Variants in MCTS1 observed in about 807,000 individuals in gnomAD.
MCTS1 encodes the protein malignant T-cell-amplified sequence 1.
For synonymous variants in MCTS1, 26 were observed against 40.8 expected (o/e 0.64, Z 1.38); for missense variants, 55 against 128.6 (o/e 0.43, Z 2.77).
At chrX:120,606,210 T>A in intron 3 of MCTS1, 34 bp downstream of exon 3, 1 of 852,141 alleles carries the variant, frequency 1.2e-6, no homozygotes, top group Non-Finnish European at 1.7e-6. Context: ...TTTGAAATTT[T>A]ACTCCTATTG....
At position 120,613,593 on chromosome X, in the gene MCTS1, A is replaced by G. The variant is rs1472469681; in HGVS notation, c.*1329A>G. Among the ~76,000 whole-genome samples the G allele has an allele frequency of 1.8e-5, 2 of 112,446 alleles. No individual in the cohort carries two copies. Among genetic ancestry groups the G allele is most frequent in the Non-Finnish European group, 3.8e-5 (2 of 53,321 alleles). The stretch of plus-strand genomic sequence containing the variant: ...TAAGAAATCTAGTTGTTTTGTCTTT[A>G]AAGTTTCCACACATATTCTGGATTT... On this transcript the variant is annotated 3_prime_UTR_variant, in exon 6 of 6. Coordinates refer to ENST00000371317, the MANE Select transcript of MCTS1 (RefSeq NM_014060.3).
chrX:120,605,119 G>T (rs1459605354), intron 1 of MCTS1, among the ~76,000 whole-genome samples: 1 of 111,391 alleles, frequency 9.0e-6, no homozygotes. Flanking sequence ...AGGCATTTGT[G>T]TAGCTAATTA....
chrX:120,606,711 G>C (rs983664891), intron 3 of MCTS1, among the ~76,000 whole-genome samples: 2 of 107,154 alleles, frequency 1.9e-5, no homozygotes, highest in Admixed American at 2.0e-4. Flanking sequence ...TTCAACCCGC[G>C]AGGCGGAGGT....
intron 3 of MCTS1, among the ~76,000 whole-genome samples, chrX:120,606,628 AC>A (rs2147372285): frequency 9.0e-6 from 1 of 111,326 alleles, no homozygotes; most frequent in South Asian, 3.7e-4. Flanking sequence ...TACTAAACAT[AC>A]AAAAGTTAGC....
At chrX:120,604,949 A>C in intron 1 of MCTS1, 26 of 1,031,744 alleles carry the variant, frequency 2.5e-5, no homozygotes, top group Non-Finnish European at 3.0e-5. Context: ...AAAAAATCTC[A>C]GCAGATTACA....
In MCTS1 at chrX:120,618,665, C is replaced by T. The variant is rs935398611; in HGVS notation, c.*6401C>T. Among the ~76,000 whole-genome samples the T allele has an allele frequency of 8.9e-6, 1 of 112,365 alleles. No homozygotes were observed. Among genetic ancestry groups the T allele is most frequent in the African/African-American group, 3.2e-5 (1 of 30,966 alleles). ...TATCTACTAAATAGCTTCCAAAAAG[C>T]ACTGACTGGAAAATATTTTTCACTA... On this transcript the variant is annotated 3_prime_UTR_variant, in exon 6 of 6. Transcript: ENST00000371317.
At position 120,620,034 on chromosome X, in the gene MCTS1, G is replaced by A. The variant is rs755931072; in HGVS notation, c.*7770G>A. 8.9e-6 allele frequency among the ~76,000 whole-genome samples: 1 copy of A among 111,946 alleles called. No homozygotes were observed. The highest frequency in any genetic ancestry group is 3.2e-5 in the African/African-American group (1 of 30,829). On this transcript the variant is annotated 3_prime_UTR_variant, in exon 6 of 6. Transcript: ENST00000371317. The stretch of plus-strand genomic sequence containing the variant: ...GCTTTGAAGATATCTGGGGAAGGCC[G>A]GGCACGGTGGTTCACGCCTGTAATC...
At chrX:120,610,475 T>G (rs1181595207) in intron 4 of MCTS1, among the ~76,000 whole-genome samples, 3 of 105,929 alleles carry the variant, frequency 2.8e-5, no homozygotes, top group African/African-American at 7.0e-5. Flanking sequence ...TAGCTGGGTG[T>G]GGTGGCACAC....
At chrX:120,604,428 C>A in intron 1 of MCTS1, 181 bp downstream of exon 1, 2 of 615,797 alleles carry the variant, frequency 3.2e-6, no homozygotes, top group Non-Finnish European at 2.4e-6. Flanking sequence ...GCTTTCCATC[C>A]GTAGTCCTTA....
rs1382918226 is a variant in MCTS1 at position 120,618,826 on chromosome X, G to T, written c.*6562G>T. 8.9e-6 allele frequency among the ~76,000 whole-genome samples: 1 copy of T among 112,256 alleles called. No homozygotes were observed. The highest frequency in any genetic ancestry group is 1.9e-5 in the Non-Finnish European group (1 of 53,297). On this transcript the variant is annotated 3_prime_UTR_variant, in exon 6 of 6. Coordinates refer to ENST00000371317, the MANE Select transcript of MCTS1 (RefSeq NM_014060.3). ...GAAAAGGAGTCCACAAAGTATTTCT[G>T]CTTTCTTGCTCCTGAATGCAAAGGT...
chrX:120,620,984 A>C lies in MCTS1; in HGVS notation c.*8720A>C, dbSNP rs192787602. ...AGCCTCTGCCCATCCATATGTGGCC[A>C]CTGAGAACTTGAAATGTGACTAGTT... On this transcript the variant is annotated 3_prime_UTR_variant, in exon 6 of 6. Coordinates refer to ENST00000371317, the MANE Select transcript of MCTS1 (RefSeq NM_014060.3). 12 of 111,874 alleles carry C rather than the reference A, an allele frequency of 1.1e-4. No homozygotes were observed. In the East Asian group the frequency reaches 3.3e-3, roughly 31 times the overall value. The allele number at this position is 111,874 out of a possible 1,213,427, so 9.2% of individuals were successfully genotyped here.
At chrX:120,604,887 T>C in intron 1 of MCTS1, 1 of 1,152,339 alleles carries the variant, frequency 8.7e-7, no homozygotes, top group Non-Finnish European at 1.2e-6. Context: ...GTGCATGAAA[T>C]TTTGAGCAAA....
chrX:120,612,065 G>T (rs1397093919), intron 5 of MCTS1, 118 bp from the exon 6 acceptor site: 2 of 543,236 alleles, frequency 3.7e-6, no homozygotes, highest in Non-Finnish European at 6.1e-6. Context: ...ATGTCAATAA[G>T]TTCTTTACTT....
In MCTS1 at chrX:120,604,194, C is replaced by T; in HGVS notation, c.-43C>T. 8.3e-7 allele frequency: 1 copy of T among 1,204,322 alleles called. No homozygotes were observed. Among genetic ancestry groups the T allele is most frequent in the Non-Finnish European group, 1.1e-6 (1 of 890,728 alleles). ...ACCCCTGCAAATTCAATTTCTTTCC[C>T]ATTCCGGGCCCTTCCCTATCGTCGC... On this transcript the variant is annotated 5_prime_UTR_variant, in exon 1 of 6. Transcript: ENST00000371317.
Position 120,619,724 on chromosome X carries a change from ATGAG to A in MCTS1, c.*7462_*7465del, listed in dbSNP as rs1173318509. On this transcript the variant is annotated 3_prime_UTR_variant, in exon 6 of 6. Coordinates refer to ENST00000371317, the MANE Select transcript of MCTS1 (RefSeq NM_014060.3). ...ATGGGAAAAAATGGGTAGGATTTGA[ATGAG>A]TAAGAGTGGGATACTTGCACAGTAT... Among the ~76,000 whole-genome samples, 5 of 111,390 alleles carry A rather than the reference ATGAG, an allele frequency of 4.5e-5. No individual in the cohort carries two copies. Among genetic ancestry groups the A allele is most frequent in the African/African-American group, 1.6e-4 (5 of 30,622 alleles).
rs1484820874 is a variant in MCTS1, at chrX:120,620,075, G to A, written c.*7811G>A. 1.8e-5 allele frequency among the ~76,000 whole-genome samples: 2 copies of A among 111,034 alleles called. No homozygotes were observed. Among genetic ancestry groups the A allele is most frequent in the African/African-American group, 6.6e-5 (2 of 30,476 alleles). On this transcript the variant is annotated 3_prime_UTR_variant, in exon 6 of 6. Transcript: ENST00000371317. ...GCCTGTAATCCCAGTACTTTGGGAG[G>A]CCAAGGTGGGCGGATCACGAGGTCA...
In MCTS1 at chrX:120,612,793, C is replaced by T. The variant is rs185050244; in HGVS notation, c.*529C>T. Among the ~76,000 whole-genome samples, 315 of 109,063 alleles carry T rather than the reference C, an allele frequency of 2.9e-3. 4 individuals carry two copies. The highest frequency in any genetic ancestry group is 0.01 in the African/African-American group (299 of 29,861). 94.7% of individuals were successfully genotyped at this position (109,063 alleles called of 115,157 possible). A position where few individuals can be genotyped will look rare whatever the true frequency, so the allele number is the denominator to read the frequency against. On this transcript the variant is annotated 3_prime_UTR_variant, in exon 6 of 6. Coordinates refer to ENST00000371317, the MANE Select transcript of MCTS1 (RefSeq NM_014060.3). Reference sequence around the variant, plus strand: ...AAGTCTGGAGAATAGTATAATGGACCTCTCCATATCCATCACCCAGTTTCA... The same window carrying T: ...AAGTCTGGAGAATAGTATAATGGACTTCTCCATATCCATCACCCAGTTTCA...
rs1002181928 is a variant in MCTS1 at position 120,619,403 on chromosome X, T to G, written c.*7139T>G. Reference sequence around the variant, plus strand: ...CTACCATGTGCACAAGCTCTACTTATATATCTTGCTTAATCTTAGCAATGA... The same window carrying G: ...CTACCATGTGCACAAGCTCTACTTAGATATCTTGCTTAATCTTAGCAATGA... On this transcript the variant is annotated 3_prime_UTR_variant, in exon 6 of 6. Transcript: ENST00000371317. Among the ~76,000 whole-genome samples, 2 of 110,698 alleles carry G rather than the reference T, an allele frequency of 1.8e-5. No individual in the cohort carries two copies. Among genetic ancestry groups the G allele is most frequent in the Admixed American group, 1.9e-4 (2 of 10,329 alleles).
Position 120,612,190 on chromosome X carries a change from G to A in MCTS1, c.472G>A (p.Val158Ile), listed in dbSNP as rs759305493. Residue 158 changes from valine (V) to isoleucine (I), a missense_variant, in exon 6 of 6, where the codon GTC becomes ATC. Physicochemically the swap from Val to Ile is conservative, Grantham distance 29 (BLOSUM62 3). Transcript: ENST00000371317. The part of the protein sequence containing the change: ...MKMSAEDIEK[V>I]NKGIGIENIH... ...TTTTTTTTCCTTCTACAGTGAGAAA[G>A]TCAACAAAGGAATTGGCATTGAAAA... 12 of 1,199,129 alleles carry A rather than the reference G, an allele frequency of 1.0e-5. No individual in the cohort carries two copies. In the African/African-American group the frequency reaches 1.8e-4, roughly 18 times the overall value.
Sources: allele counts gnomAD v4.1 joint callset (sites outside exome capture counted in the v4.1 genomes callset), GRCh38; gene constraint gnomAD v4.1.1; transcripts MANE v1.5; gene names NCBI Gene and HGNC (gene_info 2026-07-23, HGNC 2026-07-21).